Variants in ACSM6 observed in about 807,000 individuals in gnomAD.
ACSM6 encodes acyl-CoA synthetase medium chain family member 6.
A neutral mutation model predicts 51.1 loss-of-function variants in ACSM6; 35 were observed. The observed-to-expected ratio is 0.69, with a 90% CI of 0.52 to 0.91. The LOEUF (loss-of-function observed/expected upper bound fraction) is 0.91. ACSM6 is among the 40% of genes least tolerant of loss of function. The pLI, the probability that ACSM6 is intolerant of heterozygous loss-of-function variation, is 0.00. For missense variants in ACSM6, 509 were observed against 584.1 expected (o/e 0.87, Z 1.32); for synonymous variants, 172 against 207.3 (o/e 0.83, Z 1.46).
At chr10:95,194,795 A>G in intron 2 of ACSM6, 118 bp downstream of exon 2, 1 of 896,492 alleles carries the variant, frequency 1.1e-6, no homozygotes, top group East Asian at 2.6e-5. Context: ...AAATTCAGAG[A>G]AAAGAAATTA....
intron 2 of ACSM6, among the ~76,000 whole-genome samples, chr10:95,201,118 C>A (rs1001843852): frequency 6.6e-6 from 1 of 152,160 alleles, no homozygotes. Flanking sequence ...GAATCCTATC[C>A]GCTAGGAGGA....
intron 2 of ACSM6, among the ~76,000 whole-genome samples, chr10:95,200,597 A>AAGGAGG: frequency 6.9e-6 from 1 of 145,622 alleles, no homozygotes; most frequent in Non-Finnish European, 1.5e-5. Flanking sequence ...AAAGAAGAAG[A>AAGGAGG]AGAAGGAGAA....
At chr10:95,207,605 C>T (rs2133378813) in intron 4 of ACSM6, among the ~76,000 whole-genome samples, 190 bp downstream of exon 4, 1 of 152,074 alleles carries the variant, frequency 6.6e-6, no homozygotes, top group East Asian at 1.9e-4. Context: ...ATTTCTAGTC[C>T]TGAAAAAAGC....
chr10:95,207,219 G>A, exon 4 of ACSM6: 2 of 1,613,972 alleles, frequency 1.2e-6, no homozygotes, highest in Non-Finnish European at 1.7e-6. Flanking sequence ...AATCACCTTT[G>A]TGCCTGGGAG....
intron 8 of ACSM6, among the ~76,000 whole-genome samples, chr10:95,217,817 A>G (rs1216375701): frequency 6.6e-6 from 1 of 152,240 alleles, no homozygotes; most frequent in African/African-American, 2.4e-5. Flanking sequence ...TCACTTAGAA[A>G]GCTAAAGAAA....
intron 2 of ACSM6, among the ~76,000 whole-genome samples, chr10:95,200,721 G>A (rs921842884): frequency 5.9e-5 from 9 of 151,626 alleles, no homozygotes; most frequent in Admixed American, 2.6e-4. Context: ...AGAGATAAAA[G>A]GAGGAAGAAA....
exon 3 of ACSM6, chr10:95,202,040 A>T: frequency 6.4e-7 from 1 of 1,551,840 alleles, no homozygotes. Context: ...AAAGGAGAAG[A>T]GGACAAATGG....
intron 8 of ACSM6, among the ~76,000 whole-genome samples, chr10:95,215,687 T>C (rs2034937514): frequency 6.6e-6 from 1 of 152,170 alleles, no homozygotes; most frequent in Admixed American, 6.5e-5. Context: ...CTGAAGATAA[T>C]TGTCTTAGTC....
At chr10:95,196,455 A>G (rs1452463540) in intron 2 of ACSM6, among the ~76,000 whole-genome samples, 1 of 152,218 alleles carries the variant, frequency 6.6e-6, no homozygotes, top group Non-Finnish European at 1.5e-5. Flanking sequence ...ATCTGCTCCA[A>G]CCCTTTATCA....
chr10:95,215,237 T>C (rs2034932935), intron 8 of ACSM6, among the ~76,000 whole-genome samples: 2 of 152,086 alleles, frequency 1.3e-5, no homozygotes, highest in East Asian at 1.9e-4. Context: ...CTTTGTGGAG[T>C]ATAAGGCAAT....
intron 3 of ACSM6, among the ~76,000 whole-genome samples, chr10:95,204,100 C>T (rs2034819677): frequency 6.6e-6 from 1 of 152,144 alleles, no homozygotes; most frequent in African/African-American, 2.4e-5. Flanking sequence ...GAAATTCTTC[C>T]TACCTGAGGC....
chr10:95,204,437 C>T (rs1382023270), intron 3 of ACSM6, among the ~76,000 whole-genome samples: 3 of 151,988 alleles, frequency 2.0e-5, no homozygotes. Context: ...ACCTGTAATC[C>T]CAGCTAATCC....
intron 3 of ACSM6, among the ~76,000 whole-genome samples, chr10:95,204,063 C>G (rs1359442043): frequency 1.3e-5 from 2 of 152,062 alleles, no homozygotes; most frequent in African/African-American, 4.8e-5. Context: ...TGAGAAAGGA[C>G]AGGGACCACT....
At chr10:95,211,439 T>C (rs1363773279) in intron 5 of ACSM6, among the ~76,000 whole-genome samples, 4 of 152,244 alleles carry the variant, frequency 2.6e-5, no homozygotes, top group African/African-American at 7.2e-5. Flanking sequence ...TCAAGTTCTC[T>C]TAACAAACTA....
At chr10:95,205,157 T>C (rs889165589) in intron 3 of ACSM6, among the ~76,000 whole-genome samples, 13 of 152,230 alleles carry the variant, frequency 8.5e-5, no homozygotes, top group Non-Finnish European at 1.3e-4. Context: ...ATTATATCTG[T>C]AAACAAAATG....
exon 11 of ACSM6, chr10:95,228,880 G>A (rs1479671237): frequency 8.0e-7 from 1 of 1,245,158 alleles, no homozygotes; most frequent in Non-Finnish European, 1.0e-6. Context: ...CTAAAGTTTA[G>A]AAAATGCAAA....
At chr10:95,199,102 A>G (rs1375616337) in intron 2 of ACSM6, among the ~76,000 whole-genome samples, 1 of 152,218 alleles carries the variant, frequency 6.6e-6, no homozygotes, top group Admixed American at 6.5e-5. Context: ...TTCAAACTAT[A>G]CTACAAGGCT....
rs762261459 is a variant in ACSM6, at chr10:95,219,874, T to G, written c.1120-17T>G. ...TTGCTTTTTTAAAGAAAAACTTGTC[T>G]GCATTTCTTTGAACAGGGTCTACTC... On this transcript the variant is annotated splice_polypyrimidine_tract_variant and intron_variant, in intron 8 of 10. Coordinates refer to ENST00000341686, the Ensembl canonical transcript of ACSM6. 6.3e-7 allele frequency: 1 copy of G among 1,599,142 alleles called. No homozygotes were observed.
At chr10:95,218,306 T>G (rs545628240) in intron 8 of ACSM6, among the ~76,000 whole-genome samples, 2 of 152,336 alleles carry the variant, frequency 1.3e-5, no homozygotes, top group Admixed American at 1.3e-4. Flanking sequence ...AGGAGTCTTG[T>G]GTTTTGTGAG....
Sources: allele counts gnomAD v4.1 joint callset (sites outside exome capture counted in the v4.1 genomes callset), GRCh38; gene constraint gnomAD v4.1.1; transcripts MANE v1.5; gene names NCBI Gene and HGNC (gene_info 2026-07-23, HGNC 2026-07-21).